CFAP96: variants seen among roughly 807,000 people sequenced by gnomAD.
CFAP96 encodes cilia-and flagella-associated protein 96.
At chr4:185,422,600 A>G in the CFAP96 span, 2 of 1,337,718 alleles carry the variant, frequency 1.5e-6, no homozygotes, top group Non-Finnish European at 2.1e-6. Flanking sequence ...CTCCCTTGTA[A>G]AACAAAACAA....
the CFAP96 span, chr4:185,418,871 C>T: frequency 5.7e-6 from 5 of 884,890 alleles, no homozygotes; most frequent in African/African-American, 1.7e-5. Flanking sequence ...ACTCTCAATA[C>T]CTATTCCCCA....
At chr4:185,425,919 G>C in the CFAP96 span, 1,132,622 of 1,570,752 alleles carry the variant, frequency 0.72, 416,958 homozygotes, top group East Asian at 0.89. Context: ...AAAAGTTCCG[G>C]GGGCCGGCCC....
the CFAP96 span, among the ~76,000 whole-genome samples, chr4:185,433,985 G>A: frequency 6.6e-6 from 1 of 152,312 alleles, no homozygotes; most frequent in African/African-American, 2.4e-5. Flanking sequence ...TTGGGAGGCT[G>A]AGGCGGATGT....
chr4:185,415,147 G>A, the CFAP96 span: 1 of 1,569,050 alleles, frequency 6.4e-7, no homozygotes, highest in Non-Finnish European at 8.6e-7. Flanking sequence ...TAGATGAACT[G>A]GTTTTACCTT....
the CFAP96 span, among the ~76,000 whole-genome samples, chr4:185,417,929 A>G: frequency 6.6e-6 from 1 of 152,038 alleles, no homozygotes; most frequent in Non-Finnish European, 1.5e-5. Flanking sequence ...CTGTAATCCC[A>G]GCTACTCAGG....
At chr4:185,437,256 C>G in the CFAP96 span, among the ~76,000 whole-genome samples, 2 of 152,214 alleles carry the variant, frequency 1.3e-5, no homozygotes, top group African/African-American at 4.8e-5. Flanking sequence ...ATGCCTCTTA[C>G]ACTCACTGTG....
At chr4:185,413,748 G>A in the CFAP96 span, 9 of 1,612,604 alleles carry the variant, frequency 5.6e-6, no homozygotes, top group East Asian at 1.8e-4. Flanking sequence ...CATGTTAGGT[G>A]GATTAAGGTA....
chr4:185,426,258 G>C, the CFAP96 span: 1 of 213,812 alleles, frequency 4.7e-6, no homozygotes, highest in South Asian at 8.0e-5. Flanking sequence ...ACGTGCAGAG[G>C]CGCTGCGCAG....
the CFAP96 span, among the ~76,000 whole-genome samples, chr4:185,435,140 C>T: frequency 6.6e-6 from 1 of 152,156 alleles, no homozygotes; most frequent in Non-Finnish European, 1.5e-5. Flanking sequence ...GAATAGTTCT[C>T]CTTTATCTGC....
chr4:185,418,047 A>ACACACACACACACACACAC, the CFAP96 span, among the ~76,000 whole-genome samples: 4 of 143,062 alleles, frequency 2.8e-5, no homozygotes, highest in East Asian at 8.1e-4. Context: ...TCCATCTCAA[A>ACACACACACACACACACAC]ACACACACAC....
chr4:185,432,400 T>TA, the CFAP96 span, among the ~76,000 whole-genome samples: 1 of 152,244 alleles, frequency 6.6e-6, no homozygotes, highest in African/African-American at 2.4e-5. Flanking sequence ...ATTATCATAT[T>TA]AAATTTTGGA....
chr4:185,410,186 C>T, the CFAP96 span, among the ~76,000 whole-genome samples: 1 of 151,812 alleles, frequency 6.6e-6, no homozygotes, highest in Non-Finnish European at 1.5e-5. Context: ...TAAATTCTGA[C>T]ATATTTGGAC....
At chr4:185,416,534 G>T in the CFAP96 span, among the ~76,000 whole-genome samples, 1 of 152,168 alleles carries the variant, frequency 6.6e-6, no homozygotes, top group Admixed American at 6.5e-5. Context: ...ACTGGGAAAA[G>T]GTCAAGCACT....
chr4:185,445,868 T>C, the CFAP96 span, among the ~76,000 whole-genome samples: 1 of 152,164 alleles, frequency 6.6e-6, no homozygotes, highest in Non-Finnish European at 1.5e-5. Flanking sequence ...TGAGACGGAG[T>C]TTCGCTCTTA....
At chr4:185,439,060 C>T in the CFAP96 span, among the ~76,000 whole-genome samples, 1 of 152,156 alleles carries the variant, frequency 6.6e-6, no homozygotes, top group Non-Finnish European at 1.5e-5. Flanking sequence ...TAAAAGGTGA[C>T]CATGCTGTAG....
At chr4:185,432,502 G>GA in the CFAP96 span, among the ~76,000 whole-genome samples, 19 of 152,224 alleles carry the variant, frequency 1.2e-4, 1 homozygote, top group Admixed American at 9.8e-4. Flanking sequence ...CAGATTGGCG[G>GA]AAAAAATTGC....
the CFAP96 span, chr4:185,436,392 CT>C: frequency 1.4e-6 from 2 of 1,424,496 alleles, no homozygotes; most frequent in Non-Finnish European, 1.9e-6. Flanking sequence ...TTCAACCTTT[CT>C]TTTATTTAGC....
At chr4:185,434,561 AAC>A in the CFAP96 span, among the ~76,000 whole-genome samples, 3 of 152,188 alleles carry the variant, frequency 2.0e-5, no homozygotes, top group African/African-American at 7.2e-5. Flanking sequence ...AAGAAATAAT[AAC>A]AGTTTTATAA....
chr4:185,443,243 G>A, the CFAP96 span, among the ~76,000 whole-genome samples: 1 of 145,092 alleles, frequency 6.9e-6, no homozygotes, highest in Admixed American at 7.0e-5. Flanking sequence ...TTTGGTCAAT[G>A]TAGATTATTT....
Sources: gnomAD v4.1 joint callset for allele counts (sites outside exome capture counted in the v4.1 genomes callset) on GRCh38, gnomAD v4.1.1 for gene constraint, MANE v1.5 for transcripts, NCBI Gene and HGNC (gene_info 2026-07-23, HGNC 2026-07-21) for gene names.